The following ZFHX3 variants were observed in gnomAD, a reference collection of about 807,000 sequenced individuals.
ZFHX3 encodes zinc finger homeobox 3, also known as zinc finger homeobox protein 3.
Under a neutral mutation model 279.1 loss-of-function variants are expected in ZFHX3, and 42 were observed. That is an observed-to-expected ratio of 0.15 (90% CI 0.12 to 0.19). The LOEUF is 0.19. Ranked by LOEUF, ZFHX3 falls within the 10% of genes least tolerant of loss-of-function variation. ZFHX3 has a pLI of 1.00. For synonymous variants in ZFHX3, 2,293 were observed against 1,957.8 expected, an observed-to-expected ratio of 1.17 and a Z score of -4.52; for missense variants, 4,981 against 4,754.0, an observed-to-expected ratio of 1.05 and a Z score of -1.40.
intron 5 of ZFHX3, among the ~76,000 whole-genome samples, chr16:73,198,820 C>G (rs182495454): frequency 6.6e-6 from 1 of 152,188 alleles, no homozygotes; most frequent in African/African-American, 2.4e-5. Context: ...GCAAAGCCAA[C>G]GGCACTGGAT....
intron 1 of ZFHX3, among the ~76,000 whole-genome samples, chr16:73,733,514 G>A (rs1264148348): frequency 1.3e-5 from 2 of 152,192 alleles, no homozygotes; most frequent in Non-Finnish European, 2.9e-5. Context: ...TGACTAAGCT[G>A]ATATAAAATT....
chr16:73,544,814 TC>T (rs2020081978), intron 2 of ZFHX3, among the ~76,000 whole-genome samples: 2 of 152,102 alleles, frequency 1.3e-5, no homozygotes, highest in Admixed American at 1.3e-4. Flanking sequence ...TCTTCTGGGT[TC>T]CCCGGCCGTG....
chr16:73,377,186 G>T (rs975355810), intron 3 of ZFHX3, among the ~76,000 whole-genome samples: 2 of 152,048 alleles, frequency 1.3e-5, no homozygotes, highest in African/African-American at 4.8e-5. Context: ...TGGCCAGGCT[G>T]GTCTTGAACT....
chr16:73,029,208 G>A lies in ZFHX3; in HGVS notation c.-50+18544C>T, dbSNP rs184244393. On this transcript the variant is annotated intron_variant, in intron 1 of 9. Transcript: ENST00000268489. ...TTTCAATGGCTCCCACCTGCTCCTG[G>A]GACCCCAAGGCCCCTTCTATCACCT... Among the ~76,000 whole-genome samples the A allele has an allele frequency of 2.4e-3, 358 of 152,226 alleles. 2 individuals carry two copies. Among genetic ancestry groups the A allele is most frequent in the African/African-American group, 8.0e-3 (332 of 41,536 alleles).
chr16:73,380,243 A>G (rs1478549731), intron 3 of ZFHX3, among the ~76,000 whole-genome samples: 3 of 152,228 alleles, frequency 2.0e-5, no homozygotes, highest in African/African-American at 7.2e-5. Flanking sequence ...AAGGGAAAAA[A>G]GAGCTTAAAA....
intron 1 of ZFHX3, among the ~76,000 whole-genome samples, chr16:73,888,210 G>A (rs1310357648): frequency 5.9e-5 from 9 of 152,184 alleles, no homozygotes. Flanking sequence ...GTTAGAAGTT[G>A]AGGTTTTCAC....
intron 4 of ZFHX3, among the ~76,000 whole-genome samples, chr16:72,855,362 C>T (rs2037730469): frequency 6.6e-6 from 1 of 152,216 alleles, no homozygotes; most frequent in Non-Finnish European, 1.5e-5. Flanking sequence ...TGAGTGAATG[C>T]ATTACATATG....
chr16:73,513,199 T>A (rs1246839395), intron 2 of ZFHX3, among the ~76,000 whole-genome samples: 2 of 152,178 alleles, frequency 1.3e-5, no homozygotes, highest in Non-Finnish European at 2.9e-5. Context: ...GAGTCCCTGG[T>A]GTGAAACTGA....
intron 2 of ZFHX3, among the ~76,000 whole-genome samples, chr16:73,565,023 C>T (rs909115720): frequency 3.9e-5 from 6 of 152,118 alleles, no homozygotes; most frequent in African/African-American, 9.7e-5. Flanking sequence ...GAGGCCAAGG[C>T]GGGCAGATCA....
intron 1 of ZFHX3, among the ~76,000 whole-genome samples, chr16:73,836,803 G>T (rs1002719953): frequency 6.6e-6 from 1 of 152,188 alleles, no homozygotes. Context: ...TGATTAGTTC[G>T]TTAAGCTAGA....
chr16:73,316,472 G>A (rs1035109439), intron 4 of ZFHX3, among the ~76,000 whole-genome samples: 1 of 152,016 alleles, frequency 6.6e-6, no homozygotes, highest in Admixed American at 6.6e-5. Flanking sequence ...ACAATGGACT[G>A]TTCCTTCTCT....
At chr16:73,714,451 GT>G (rs1480575884) in intron 1 of ZFHX3, among the ~76,000 whole-genome samples, 1 of 152,094 alleles carries the variant, frequency 6.6e-6, no homozygotes, top group Non-Finnish European at 1.5e-5. Flanking sequence ...AGATCTGGGA[GT>G]CCTAGCAGCA....
intron 4 of ZFHX3, among the ~76,000 whole-genome samples, chr16:73,270,839 C>T (rs976539722): frequency 6.6e-6 from 1 of 152,082 alleles, no homozygotes; most frequent in South Asian, 2.1e-4. Context: ...GGGAGGTCCT[C>T]GGAGTTCTAG....
chr16:72,791,087 T>C (rs1476962739), intron 9 of ZFHX3: 1 of 152,134 alleles, frequency 6.6e-6, no homozygotes, highest in Non-Finnish European at 1.5e-5. Context: ...CTAGACTTAC[T>C]CCTACAAATC....
intron 2 of ZFHX3, among the ~76,000 whole-genome samples, chr16:73,663,592 A>C (rs1181197908): frequency 6.6e-6 from 1 of 152,214 alleles, no homozygotes; most frequent in Non-Finnish European, 1.5e-5. Flanking sequence ...GGATAACAGA[A>C]AGCAACACGG....
At chr16:73,011,389 C>T (rs775236166) in intron 1 of ZFHX3, among the ~76,000 whole-genome samples, 1 of 151,954 alleles carries the variant, frequency 6.6e-6, no homozygotes, top group Non-Finnish European at 1.5e-5. Context: ...ACCTTGAACT[C>T]CCAAAGCACT....
rs1285852946 is a variant in ZFHX3, at chr16:73,890,258, CA to C, written c.-1608+1392del. On this transcript the variant is annotated intron_variant, in intron 1 of 17. Coordinates refer to the ZFHX3 transcript ENST00000641206. ...AAAAAACCAAAAAAAAAAAAAACAA[CA>C]AAAAAAAACCTCTCCCTTCTTCCCC... Among the ~76,000 whole-genome samples, 30 of 136,862 alleles carry C rather than the reference CA, an allele frequency of 2.2e-4. No homozygotes were observed. The East Asian group carries it at 5.7e-3, about 26-fold the overall frequency. The allele number at this position is 136,862 out of a possible 152,430, so 89.8% of individuals were successfully genotyped here.
intron 5 of ZFHX3, among the ~76,000 whole-genome samples, chr16:72,828,656 G>A (rs1380859389): frequency 6.6e-6 from 1 of 152,206 alleles, no homozygotes; most frequent in South Asian, 2.1e-4. Context: ...GCCCTGCCCA[G>A]GCCCCCAAAT....
At chr16:73,798,409 C>T (rs1960055465) in intron 1 of ZFHX3, among the ~76,000 whole-genome samples, 2 of 151,172 alleles carry the variant, frequency 1.3e-5, no homozygotes, top group African/African-American at 4.9e-5. Context: ...TTAAAACAGG[C>T]CAAAATTTAA....
Sources: gnomAD v4.1 joint callset for allele counts (sites outside exome capture counted in the v4.1 genomes callset) on GRCh38, gnomAD v4.1.1 for gene constraint, MANE v1.5 for transcripts, NCBI Gene and HGNC (gene_info 2026-07-23, HGNC 2026-07-21) for gene names.